The following HIVEP3 variants were observed in gnomAD, a reference collection of about 807,000 sequenced individuals.
HIVEP3 encodes HIVEP zinc finger 3.
In HIVEP3, 49 loss-of-function variants were observed where a neutral mutation model predicts 152.8. The observed-to-expected ratio is 0.32, with a 90% CI of 0.26 to 0.41. The LOEUF (loss-of-function observed/expected upper bound fraction) is 0.41, where lower values mean the gene tolerates loss of function less well. Ranked by LOEUF, HIVEP3 falls within the 10% of genes least tolerant of loss-of-function variation. The pLI is 1.00. For missense variants in HIVEP3, 2,790 were observed against 3,103.3 expected, an observed-to-expected ratio of 0.90 and a Z score of 2.40; for synonymous variants, 1,269 against 1,289.0, an observed-to-expected ratio of 0.98 and a Z score of 0.33.
At chr1:41,788,989 C>T (rs558517113) in intron 1 of HIVEP3, among the ~76,000 whole-genome samples, 1 of 152,226 alleles carries the variant, frequency 6.6e-6, no homozygotes, top group African/African-American at 2.4e-5. Flanking sequence ...GCAGCCATCT[C>T]GCCCCCTGGC....
intron 5 of HIVEP3, among the ~76,000 whole-genome samples, chr1:41,573,672 C>T (rs542070157): frequency 1.3e-5 from 2 of 152,258 alleles, no homozygotes; most frequent in South Asian, 4.1e-4. Context: ...TATGGGGTCT[C>T]ACAAGGTCCT....
chr1:41,672,431 G>A (rs1166034006), intron 2 of HIVEP3, among the ~76,000 whole-genome samples: 1 of 152,180 alleles, frequency 6.6e-6, no homozygotes, highest in Non-Finnish European at 1.5e-5. Flanking sequence ...CCCTGGGGCT[G>A]TTATCTCAAG....
At chr1:41,988,676 A>G (rs924320669) in intron 1 of HIVEP3, among the ~76,000 whole-genome samples, 3 of 152,188 alleles carry the variant, frequency 2.0e-5, no homozygotes, top group Admixed American at 2.0e-4. Flanking sequence ...AAAAATTACA[A>G]CTAGAACTAC....
At chr1:41,860,712 C>A (rs898734446) in intron 1 of HIVEP3, among the ~76,000 whole-genome samples, 7 of 152,210 alleles carry the variant, frequency 4.6e-5, no homozygotes, top group African/African-American at 1.7e-4. Context: ...AATATCTCCA[C>A]CATTGCCATT....
intron 5 of HIVEP3, chr1:41,535,791 A>C (rs951265766): frequency 2.0e-5 from 3 of 152,104 alleles, no homozygotes; most frequent in Admixed American, 6.6e-5. Flanking sequence ...AGAGAGGTTG[A>C]GTGTCTTGCC....
intron 1 of HIVEP3, among the ~76,000 whole-genome samples, chr1:41,791,121 TACACACACACACACACACAC>T (rs60729364): frequency 2.1e-5 from 3 of 140,732 alleles, no homozygotes; most frequent in South Asian, 2.4e-4. Flanking sequence ...CACACATGTG[TACACACACACACACACACAC>T]ACACACACAC....
chr1:41,537,529 C>T (rs1043810657), intron 5 of HIVEP3, among the ~76,000 whole-genome samples: 9 of 152,120 alleles, frequency 5.9e-5, no homozygotes, highest in Non-Finnish European at 7.3e-5. Flanking sequence ...CTGGCTTGTC[C>T]GCAGTGACAC....
At chr1:41,851,289 C>CTTTTTTTTTTTTTT (rs34180186) in intron 1 of HIVEP3, among the ~76,000 whole-genome samples, 6 of 59,798 alleles carry the variant, frequency 1.0e-4, no homozygotes, top group East Asian at 1.5e-3. Flanking sequence ...TCTTCTTCTT[C>CTTTTTTTTTTTTTT]TTTTTTTTTT....
chr1:41,777,888 G>A (rs1246752584), intron 1 of HIVEP3, among the ~76,000 whole-genome samples: 1 of 152,178 alleles, frequency 6.6e-6, no homozygotes, highest in African/African-American at 2.4e-5. Flanking sequence ...GTATCATGTG[G>A]CCCCAGAATA....
chr1:41,523,016 T>C (rs767166765), intron 6 of HIVEP3, among the ~76,000 whole-genome samples: 4 of 152,138 alleles, frequency 2.6e-5, no homozygotes, highest in Non-Finnish European at 5.9e-5. Context: ...GCCCGTGTTC[T>C]AGTTACAGCT....
chr1:41,995,206 T>C (rs1342220836), intron 1 of HIVEP3, among the ~76,000 whole-genome samples: 1 of 151,636 alleles, frequency 6.6e-6, no homozygotes, highest in Non-Finnish European at 1.5e-5. Context: ...AGAAACCCAC[T>C]CCTAGACACA....
chr1:41,987,187 A>G (rs1645328754), intron 1 of HIVEP3, among the ~76,000 whole-genome samples: 1 of 152,222 alleles, frequency 6.6e-6, no homozygotes, highest in South Asian at 2.1e-4. Context: ...CTATAAACAT[A>G]GAAGAATTAA....
chr1:42,002,382 G>A (rs544734445), intron 1 of HIVEP3, among the ~76,000 whole-genome samples: 28 of 152,236 alleles, frequency 1.8e-4, no homozygotes, highest in Admixed American at 3.3e-4. Context: ...TGTGTCAGTC[G>A]CGAAAGAGTG....
intron 2 of HIVEP3, among the ~76,000 whole-genome samples, chr1:41,653,115 T>A (rs774138886): frequency 9.2e-5 from 14 of 152,144 alleles, no homozygotes; most frequent in Non-Finnish European, 2.1e-4. Flanking sequence ...TTATTCACTT[T>A]AATTTTTTTA....
At chr1:41,711,970 G>A (rs1646520570) in intron 1 of HIVEP3, among the ~76,000 whole-genome samples, 1 of 152,232 alleles carries the variant, frequency 6.6e-6, no homozygotes, top group African/African-American at 2.4e-5. Flanking sequence ...ACACCAAGGT[G>A]CAGGTGCAGA....
chr1:41,703,115 T>G (rs112573844), intron 1 of HIVEP3, among the ~76,000 whole-genome samples: 56 of 152,268 alleles, frequency 3.7e-4, no homozygotes, highest in African/African-American at 1.3e-3. Context: ...ATTCTGTAAA[T>G]AGATGAAGGC....
In HIVEP3 at chr1:41,642,663, G is replaced by A. The variant is rs140365554; in HGVS notation, c.-720-13716C>T. Among the ~76,000 whole-genome samples the A allele has an allele frequency of 2.3e-3, 346 of 152,340 alleles. 1 individual carries two copies. Among genetic ancestry groups the A allele is most frequent in the African/African-American group, 4.8e-3 (198 of 41,572 alleles). ...GGACTGGGATGTGTGTGATGCATCC[G>A]TGTCACTCACAGAGCCTTGAACATA... On this transcript the variant is annotated intron_variant, in intron 2 of 8. Transcript: ENST00000372583.
chr1:41,563,503 G>A (rs1475065343), intron 5 of HIVEP3, among the ~76,000 whole-genome samples: 1 of 152,088 alleles, frequency 6.6e-6, no homozygotes, highest in Non-Finnish European at 1.5e-5. Flanking sequence ...AACCAAGAGG[G>A]AGACTGAGTC....
intron 1 of HIVEP3, among the ~76,000 whole-genome samples, chr1:41,834,752 C>T (rs1039324092): frequency 1.7e-4 from 26 of 152,030 alleles, no homozygotes; most frequent in Non-Finnish European, 1.0e-4. Context: ...CAAACAAAGA[C>T]ACAATACAGT....
Sources: gnomAD v4.1 joint callset for allele counts (sites outside exome capture counted in the v4.1 genomes callset) on GRCh38, gnomAD v4.1.1 for gene constraint, MANE v1.5 for transcripts, NCBI Gene and HGNC (gene_info 2026-07-23, HGNC 2026-07-21) for gene names.